The following ADGRL2 variants were observed in gnomAD, a reference collection of about 807,000 sequenced individuals.
ADGRL2 encodes adhesion G protein-coupled receptor L2, also known as calcium-independent alpha-latrotoxin receptor 2.
A neutral mutation model predicts 157.4 loss-of-function variants in ADGRL2; 44 were observed. The ratio of observed to expected loss-of-function variants is 0.28; its 90% CI spans 0.22 to 0.36. The LOEUF is 0.36. ADGRL2 is among the 10% of genes least tolerant of loss of function. ADGRL2 has a pLI of 1.00. For synonymous variants in ADGRL2, 585 were observed against 624.7 expected (o/e 0.94, Z 0.95); for missense variants, 1,510 against 1,768.9 (o/e 0.85, Z 2.63).
At chr1:81,611,236 A>G (rs2081535217) in intron 3 of ADGRL2, among the ~76,000 whole-genome samples, 1 of 152,232 alleles carries the variant, frequency 6.6e-6, no homozygotes, top group Admixed American at 6.5e-5. Flanking sequence ...CATGACAATT[A>G]TTGAGAGAAG....
intron 2 of ADGRL2, among the ~76,000 whole-genome samples, chr1:81,469,708 C>A (rs1032826851): frequency 2.0e-5 from 3 of 152,266 alleles, no homozygotes; most frequent in Admixed American, 6.5e-5. Flanking sequence ...GATTTTTTAT[C>A]TCATTATAGT....
At chr1:81,730,647 T>C (rs1000516742) in intron 1 of ADGRL2, among the ~76,000 whole-genome samples, 1 of 151,740 alleles carries the variant, frequency 6.6e-6, no homozygotes, top group Non-Finnish European at 1.5e-5. Flanking sequence ...TGCTTGAACC[T>C]GGGAGGCAGA....
chr1:81,881,111 A>G (rs2093975296), intron 2 of ADGRL2, among the ~76,000 whole-genome samples: 1 of 152,146 alleles, frequency 6.6e-6, no homozygotes, highest in African/African-American at 2.4e-5. Flanking sequence ...CTGGGACTCA[A>G]AATGATTGCT....
intron 1 of ADGRL2, among the ~76,000 whole-genome samples, chr1:81,761,611 C>T (rs1377857555): frequency 1.3e-5 from 2 of 151,888 alleles, no homozygotes; most frequent in Non-Finnish European, 1.5e-5. Context: ...TTTGAAAGTA[C>T]TTATCAAAAC....
chr1:81,909,956 A>G (rs539463278), intron 3 of ADGRL2, among the ~76,000 whole-genome samples: 6 of 152,100 alleles, frequency 3.9e-5, no homozygotes, highest in South Asian at 2.1e-4. Flanking sequence ...AAATAGTACA[A>G]TTGCCAGGTG....
At chr1:81,356,971 A>AGAAG (rs1553156787) in intron 1 of ADGRL2, among the ~76,000 whole-genome samples, 1 of 99,310 alleles carries the variant, frequency 1.0e-5, no homozygotes, top group Admixed American at 1.3e-4. Flanking sequence ...AAAAAAAAAA[A>AGAAG]AAGAAGTTGT....
intron 1 of ADGRL2, among the ~76,000 whole-genome samples, chr1:81,425,053 T>C (rs935601238): frequency 2.7e-4 from 41 of 152,336 alleles, no homozygotes; most frequent in African/African-American, 8.7e-4. Flanking sequence ...CAGAATATGA[T>C]GGATTCATCA....
intron 2 of ADGRL2, among the ~76,000 whole-genome samples, chr1:81,457,162 C>G (rs1178067072): frequency 6.6e-6 from 1 of 152,084 alleles, no homozygotes; most frequent in African/African-American, 2.4e-5. Flanking sequence ...GATAGTTTTC[C>G]AAGTGCTGAC....
At position 81,456,698 on chromosome 1, in the gene ADGRL2, G is replaced by C. The variant is rs112737138; in HGVS notation, c.-248+11609G>C. The stretch of plus-strand genomic sequence containing the variant: ...ACAAGCTACAGTTTTCAGCCTATGA[G>C]AGGAAAACATTTTCAGGCAGTTTTA... On this transcript the variant is annotated intron_variant, in intron 2 of 24. Transcript: ENST00000370721. Among the ~76,000 whole-genome samples, 622 of 152,094 alleles carry C rather than the reference G, an allele frequency of 4.1e-3. 7 individuals are homozygous for C. Among genetic ancestry groups the C allele is most frequent in the African/African-American group, 0.014 (583 of 41,472 alleles).
chr1:81,442,893 G>C (rs1469225799), intron 1 of ADGRL2, among the ~76,000 whole-genome samples: 1 of 152,184 alleles, frequency 6.6e-6, no homozygotes, highest in African/African-American at 2.4e-5. Context: ...TCACAAGGTA[G>C]TTTTTCACCC....
chr1:81,900,584 G>T (rs1356399526), intron 2 of ADGRL2, among the ~76,000 whole-genome samples: 1 of 152,108 alleles, frequency 6.6e-6, no homozygotes, highest in African/African-American at 2.4e-5. Context: ...TTTGGTTGTA[G>T]TTCCAGTTGG....
chr1:81,464,134 C>G (rs1254977707), intron 2 of ADGRL2, among the ~76,000 whole-genome samples: 1 of 152,160 alleles, frequency 6.6e-6, no homozygotes, highest in Admixed American at 6.5e-5. Flanking sequence ...CAAGTGGAAA[C>G]TCCCGTCAAA....
In ADGRL2 at chr1:81,611,197, G is replaced by A. The variant is rs537435511; in HGVS notation, c.-143+30217G>A. ...AAATGTGGTTCTTCATATAAAGACC[G>A]GAAGCCCTACTAGAACAGTCACAGG... On this transcript the variant is annotated intron_variant, in intron 3 of 24. Transcript: ENST00000370721. Among the ~76,000 whole-genome samples, 17 of 152,242 alleles carry A rather than the reference G, an allele frequency of 1.1e-4. No individual in the cohort carries two copies. The South Asian group carries it at 2.7e-3, about 24-fold the overall frequency.
At chr1:81,510,020 G>A (rs2148076270) in intron 2 of ADGRL2, among the ~76,000 whole-genome samples, 1 of 152,256 alleles carries the variant, frequency 6.6e-6, no homozygotes, top group Non-Finnish European at 1.5e-5. Flanking sequence ...TATATGTTTA[G>A]TTTATGCTCA....
At chr1:81,990,139 A>G (rs1664289474) in intron 23 of ADGRL2, 5 of 985,252 alleles carry the variant, frequency 5.1e-6, no homozygotes, top group South Asian at 4.7e-5. Flanking sequence ...GTCTCCTGAA[A>G]TTGATAAAGT....
At chr1:81,955,002 A>G (rs575303594) in intron 10 of ADGRL2, among the ~76,000 whole-genome samples, 1 of 152,306 alleles carries the variant, frequency 6.6e-6, no homozygotes, top group East Asian at 1.9e-4. Flanking sequence ...ACCTTTCCAA[A>G]GCATAGTCAG....
chr1:81,504,658 C>T (rs1004065660), intron 2 of ADGRL2, among the ~76,000 whole-genome samples: 2 of 152,036 alleles, frequency 1.3e-5, no homozygotes, highest in Admixed American at 6.6e-5. Flanking sequence ...ATCACGGGGG[C>T]GGGGAGGTGG....
intron 19 of ADGRL2, among the ~76,000 whole-genome samples, chr1:81,982,630 GT>G (rs1310276534): frequency 1.3e-5 from 2 of 151,774 alleles, no homozygotes; most frequent in African/African-American, 4.8e-5. Context: ...TAATGTAGTC[GT>G]TTTATTCTGT....
intron 2 of ADGRL2, among the ~76,000 whole-genome samples, chr1:81,892,247 A>T (rs2094286992): frequency 6.6e-6 from 1 of 152,098 alleles, no homozygotes. Flanking sequence ...CTTGTCCGGA[A>T]TTACTTTTCA....
Sources: allele counts gnomAD v4.1 joint callset (sites outside exome capture counted in the v4.1 genomes callset), GRCh38; gene constraint gnomAD v4.1.1; transcripts MANE v1.5; gene names NCBI Gene and HGNC (gene_info 2026-07-23, HGNC 2026-07-21).